ZNF148: variants seen among roughly 807,000 people sequenced by gnomAD.
ZNF148 encodes Beta-Enolase Repressor Factor-1.
A neutral mutation model predicts 67.7 loss-of-function variants in ZNF148; 7 were observed. The ratio of observed to expected loss-of-function variants is 0.10; its 90% confidence interval spans 0.06 to 0.19. The LOEUF (loss-of-function observed/expected upper bound fraction) is 0.19. Ranked by LOEUF, ZNF148 falls within the 10% of genes least tolerant of loss-of-function variation. The pLI, the probability that ZNF148 is intolerant of heterozygous loss-of-function variation, is 1.00. For synonymous variants in ZNF148, 333 were observed against 330.7 expected (o/e 1.01, Z -0.08); for missense variants, 583 against 947.1 (o/e 0.62, Z 5.05).
At position 125,279,253 on chromosome 3, in the gene ZNF148, T is replaced by TGAA; in HGVS notation, c.460-7_460-6insTTC. The TGAA allele has an allele frequency of 9.9e-7, 1 of 1,012,022 alleles. No individual in the cohort carries two copies. Among genetic ancestry groups the TGAA allele is most frequent in the Admixed American group, 3.9e-5 (1 of 25,878 alleles). 62.7% of individuals were successfully genotyped at this position (1,012,022 alleles called of 1,614,324 possible). On this transcript the variant is annotated splice_polypyrimidine_tract_variant and splice_region_variant and intron_variant, in intron 5 of 8. Transcript: ENST00000360647. ...TCCTCATTTATTGTAAGGATCTAGT[T>TGAA]CAAAAAAAAAAAGGCAAAAACAAAA...
At chr3:125,309,027 T>A (rs1272940540) in intron 4 of ZNF148, among the ~76,000 whole-genome samples, 1 of 152,172 alleles carries the variant, frequency 6.6e-6, no homozygotes, top group Non-Finnish European at 1.5e-5. Flanking sequence ...TACATGAGGT[T>A]CTCATCAAGG....
chr3:125,342,817 A>G (rs1185854926), intron 1 of ZNF148, among the ~76,000 whole-genome samples: 3 of 152,218 alleles, frequency 2.0e-5, no homozygotes, highest in Admixed American at 6.5e-5. Flanking sequence ...ACTCAAGACA[A>G]TTATATTTAA....
At position 125,323,368 on chromosome 3, in the gene ZNF148, A is replaced by T. The variant is rs1290179732; in HGVS notation, c.-76T>A. On this transcript the variant is annotated 5_prime_UTR_variant, in exon 3 of 9. Transcript: ENST00000360647. ...AGGAATGCTGTAGAGTTGAAAAAGAAATCATGGTTGAGTTTCTACCTTTCA... is the reference window on the plus strand; with the variant it reads ...AGGAATGCTGTAGAGTTGAAAAAGATATCATGGTTGAGTTTCTACCTTTCA... 1.4e-6 allele frequency: 1 copy of T among 696,156 alleles called. No individual in the cohort carries two copies. Among genetic ancestry groups the T allele is most frequent in the Non-Finnish European group, 2.6e-6 (1 of 383,012 alleles). The allele number at this position is 696,156 out of a possible 1,614,324, so 43.1% of individuals were successfully genotyped here.
intron 7 of ZNF148, among the ~76,000 whole-genome samples, chr3:125,245,606 G>A (rs1317444323): frequency 6.6e-6 from 1 of 152,166 alleles, no homozygotes; most frequent in Non-Finnish European, 1.5e-5. Context: ...GAACTGTACA[G>A]CTTTTTTCTT....
intron 4 of ZNF148, among the ~76,000 whole-genome samples, chr3:125,295,593 T>C (rs1939242329): frequency 6.6e-6 from 1 of 152,140 alleles, no homozygotes; most frequent in African/African-American, 2.4e-5. Flanking sequence ...AGCACAGGCT[T>C]GGGAATTCAA....
chr3:125,278,379 T>A (rs1453984664), intron 6 of ZNF148, among the ~76,000 whole-genome samples: 9 of 152,146 alleles, frequency 5.9e-5, no homozygotes, highest in African/African-American at 1.9e-4. Flanking sequence ...CACTTCTACC[T>A]TAGTACTTTC....
At chr3:125,258,452 T>C (rs1937197371) in intron 7 of ZNF148, among the ~76,000 whole-genome samples, 1 of 108,936 alleles carries the variant, frequency 9.2e-6, no homozygotes, top group Non-Finnish European at 1.9e-5. Context: ...AAAAGGGGGA[T>C]AGCATCTTCC....
chr3:125,253,054 T>C (rs926525058), intron 7 of ZNF148, among the ~76,000 whole-genome samples: 1 of 152,218 alleles, frequency 6.6e-6, no homozygotes, highest in African/African-American at 2.4e-5. Context: ...CATACGCATC[T>C]GCTGGTATTT....
Position 125,232,566 on chromosome 3 carries a change from G to C in ZNF148, c.2160C>G (p.Val720=), listed in dbSNP as rs752384999. 6.2e-7 allele frequency: 1 copy of C among 1,613,770 alleles called. No individual in the cohort carries two copies. The highest frequency in any genetic ancestry group is 1.1e-5 in the South Asian group (1 of 91,074). ...AGGAGCTCATTTGGTAAGCTTGGTGGACAGGCTGGGCCTCAGCTTTCTTCT... is the reference window on the plus strand; with the variant it reads ...AGGAGCTCATTTGGTAAGCTTGGTGCACAGGCTGGGCCTCAGCTTTCTTCT... ...TSQKKAEAQP[V]HQAYQMSSFE... The change falls in exon 9 of 9, where the codon GTC becomes GTG. Residue 720 remains valine, a synonymous_variant. Coordinates refer to ENST00000360647, the MANE Select transcript of ZNF148 (RefSeq NM_021964.3). The surrounding 1 kb of genome is among the most constrained non-coding windows in gnomAD (Gnocchi z 4.2).
intron 7 of ZNF148, among the ~76,000 whole-genome samples, chr3:125,247,108 G>A (rs1350044730): frequency 6.6e-6 from 1 of 152,126 alleles, no homozygotes; most frequent in East Asian, 1.9e-4. Context: ...CAGGCATTAT[G>A]GTAACTAATG....
chr3:125,338,425 T>G (rs887226903), intron 1 of ZNF148, among the ~76,000 whole-genome samples: 23 of 152,066 alleles, frequency 1.5e-4, no homozygotes, highest in African/African-American at 5.6e-4. Context: ...CACTTAAAAA[T>G]TAAAGTTTAA....
At chr3:125,255,236 C>CTTTTTTTT (rs59309462) in intron 7 of ZNF148, among the ~76,000 whole-genome samples, 2 of 62,136 alleles carry the variant, frequency 3.2e-5, no homozygotes, top group South Asian at 7.2e-4. Flanking sequence ...TCTCCACCTG[C>CTTTTTTTT]TTTTTTTTTT....
In ZNF148 at chr3:125,331,200, C is replaced by T. The variant is rs953275905; in HGVS notation, c.-195G>A. On this transcript the variant is annotated 5_prime_UTR_variant, in exon 2 of 9. In the 5' UTR this introduces an upstream ATG that the reference lacks. Coordinates refer to ENST00000360647, the MANE Select transcript of ZNF148 (RefSeq NM_021964.3). ...GGCAAACGCCCATCCCGCCAGATCACGTGCTTGAATTTCCAAGCTGCTGAT... is the reference window on the plus strand; with the variant it reads ...GGCAAACGCCCATCCCGCCAGATCATGTGCTTGAATTTCCAAGCTGCTGAT... 3 of 398,394 alleles carry T rather than the reference C, an allele frequency of 7.5e-6. No homozygotes were observed. The highest frequency in any genetic ancestry group is 2.1e-5 in the African/African-American group (1 of 48,610). 24.7% of individuals were successfully genotyped at this position (398,394 alleles called of 1,614,324 possible).
In ZNF148 at chr3:125,232,814, G is replaced by A; in HGVS notation, c.1912C>T (p.Pro638Ser). The change falls in exon 9 of 9, where the codon CCA (proline) becomes TCA (serine). Residue 638 changes from proline (P) to serine (S), a missense_variant. Pro to Ser is a moderately conservative substitution (Grantham distance 74, BLOSUM62 -1). Around this residue, in one of 5 missense-constraint regions of ZNF148, gnomAD observed 158 missense variants for 208.4 expected, o/e 0.76. Transcript: ENST00000360647. This position sits in a 1 kb window ranked among gnomAD's most constrained non-coding sequence, Gnocchi z 4.2. ...LNFVTDNQTLPNQPAFSSIDK... is the reference protein window; with the variant it reads ...LNFVTDNQTLSNQPAFSSIDK... ...ATGGAAGAGAATGCTGGCTGATTTG[G>A]GAGGGTCTGGTTATCAGTCACAAAG... 1 of 1,613,822 alleles carries A rather than the reference G, an allele frequency of 6.2e-7. No individual in the cohort carries two copies. The highest frequency in any genetic ancestry group is 8.5e-7 in the Non-Finnish European group (1 of 1,179,804).
At chr3:125,284,674 A>G (rs944702679) in intron 5 of ZNF148, among the ~76,000 whole-genome samples, 1 of 152,200 alleles carries the variant, frequency 6.6e-6, no homozygotes, top group Non-Finnish European at 1.5e-5. Flanking sequence ...GATTTCCCCC[A>G]AAAAATGGTG....
intron 4 of ZNF148, 68 bp from the exon 5 acceptor site, chr3:125,288,296 A>C: frequency 6.6e-7 from 1 of 1,506,372 alleles, no homozygotes; most frequent in Non-Finnish European, 8.9e-7. Flanking sequence ...AGGCCATTTT[A>C]TGTTTAATCC....
At chr3:125,285,033 T>C (rs905686949) in intron 5 of ZNF148, among the ~76,000 whole-genome samples, 7 of 152,324 alleles carry the variant, frequency 4.6e-5, no homozygotes, top group Non-Finnish European at 1.0e-4. Flanking sequence ...GCAGCCATAG[T>C]TACATGGATG....
At chr3:125,326,828 TTATATATGTATACAGA>T (rs1356549250) in intron 2 of ZNF148, among the ~76,000 whole-genome samples, 24 of 146,334 alleles carry the variant, frequency 1.6e-4, no homozygotes, top group Admixed American at 1.6e-3. Context: ...ATATATCTTT[TTATATATGTATACAGA>T]TATATATGTA....
At chr3:125,236,311 G>C (rs904982853) in intron 7 of ZNF148, among the ~76,000 whole-genome samples, 3 of 152,044 alleles carry the variant, frequency 2.0e-5, no homozygotes, top group Non-Finnish European at 2.9e-5. Flanking sequence ...TCCTCCTCCT[G>C]CCTTGCCCTC....
Sources: allele counts gnomAD v4.1 joint callset (sites outside exome capture counted in the v4.1 genomes callset), GRCh38; gene constraint gnomAD v4.1.1; regional missense constraint gnomAD v4.1.1; non-coding constraint Gnocchi (gnomAD v3.1); transcripts MANE v1.5; gene names NCBI Gene and HGNC (gene_info 2026-07-23, HGNC 2026-07-21).